SFI1: variants seen among roughly 807,000 people sequenced by gnomAD.
SFI1 encodes the protein SFI1 centrin binding protein.
SFI1 carries 195 observed loss-of-function variants against 207.5 expected under a neutral mutation model. That is an observed-to-expected ratio of 0.94 (90% CI 0.84 to 1.06). The LOEUF is 1.06. SFI1 is among the 50% of genes least tolerant of loss of function. The pLI is 0.00. For missense variants in SFI1, 1,634 were observed against 1,588.0 expected (o/e 1.03, Z -0.49); for synonymous variants, 630 against 598.9 (o/e 1.05, Z -0.76).
chr22:31,609,263 G>C (rs1328643410), intron 22 of SFI1, among the ~76,000 whole-genome samples: 1 of 152,090 alleles, frequency 6.6e-6, no homozygotes, highest in Non-Finnish European at 1.5e-5. Flanking sequence ...CTCCCAAAGT[G>C]CTGGGATTAC....
At chr22:31,519,958 G>A (rs2057014352) in intron 2 of SFI1, among the ~76,000 whole-genome samples, 1 of 151,148 alleles carries the variant, frequency 6.6e-6, no homozygotes, top group African/African-American at 2.4e-5. Flanking sequence ...GTAGAGATGG[G>A]GTTTCACCTG....
At chr22:31,539,366 C>CT (rs1569250500) in intron 4 of SFI1, among the ~76,000 whole-genome samples, 1 of 152,188 alleles carries the variant, frequency 6.6e-6, no homozygotes, top group Non-Finnish European at 1.5e-5. Flanking sequence ...TTACTGTGGT[C>CT]TATAAGACCA....
chr22:31,512,778 C>T (rs1195191272), intron 2 of SFI1, among the ~76,000 whole-genome samples: 2 of 151,908 alleles, frequency 1.3e-5, no homozygotes, highest in Non-Finnish European at 1.5e-5. Context: ...GCTCTGCCTC[C>T]CAGGTTCATG....
chr22:31,554,144 T>C (rs756493133), intron 6 of SFI1, among the ~76,000 whole-genome samples: 10 of 151,972 alleles, frequency 6.6e-5, no homozygotes, highest in Non-Finnish European at 1.2e-4. Context: ...AGCTGGATTA[T>C]ATTTTTTCAT....
chr22:31,617,307 A>G (rs1338611574), intron 31 of SFI1, among the ~76,000 whole-genome samples: 1 of 152,058 alleles, frequency 6.6e-6, no homozygotes, highest in Non-Finnish European at 1.5e-5. Flanking sequence ...CCAAGTCGTC[A>G]GACTCACCTG....
chr22:31,498,914 A>G (rs1011298161), intron 1 of SFI1, among the ~76,000 whole-genome samples: 11 of 144,366 alleles, frequency 7.6e-5, no homozygotes, highest in Non-Finnish European at 1.5e-4. Flanking sequence ...GCTGGAGTGC[A>G]TGGCACACTC....
At chr22:31,593,076 C>T (rs1485810190) in intron 15 of SFI1, among the ~76,000 whole-genome samples, 36 of 130,994 alleles carry the variant, frequency 2.7e-4, no homozygotes, top group Admixed American at 2.1e-3. Flanking sequence ...GCTGGCCGGG[C>T]GGGGGGGCTG....
intron 8 of SFI1, among the ~76,000 whole-genome samples, chr22:31,562,063 C>G (rs2061766036): frequency 1.3e-5 from 2 of 152,150 alleles, no homozygotes; most frequent in Non-Finnish European, 2.9e-5. Flanking sequence ...ACGTGCAGAT[C>G]ACATGCAAAT....
intron 2 of SFI1, among the ~76,000 whole-genome samples, chr22:31,524,822 T>C (rs1412714855): frequency 2.0e-5 from 3 of 151,752 alleles, no homozygotes; most frequent in African/African-American, 7.3e-5. Flanking sequence ...TTTTATGGAG[T>C]CTTACTCTGT....
At chr22:31,564,814 AT>A (rs776647555) in intron 8 of SFI1, among the ~76,000 whole-genome samples, 231 of 111,846 alleles carry the variant, frequency 2.1e-3, no homozygotes, top group South Asian at 4.7e-3. Context: ...CTGGCCCAGA[AT>A]TTTTTTTTTT....
chr22:31,591,065 CA>C (rs1403095377), intron 15 of SFI1, among the ~76,000 whole-genome samples: 1 of 151,492 alleles, frequency 6.6e-6, no homozygotes, highest in Non-Finnish European at 1.5e-5. Flanking sequence ...GGTCAGCAGA[CA>C]AACAAGTGAA....
At chr22:31,571,494 T>G (rs888752269) in intron 8 of SFI1, among the ~76,000 whole-genome samples, 3 of 151,616 alleles carry the variant, frequency 2.0e-5, no homozygotes, top group Non-Finnish European at 4.4e-5. Flanking sequence ...TTTTTTTTTT[T>G]GGTAGAGACA....
intron 7 of SFI1, among the ~76,000 whole-genome samples, chr22:31,560,349 GA>G (rs988470245): frequency 1.2e-4 from 18 of 150,020 alleles, no homozygotes; most frequent in African/African-American, 4.2e-4. Context: ...AAAGCCACTT[GA>G]TTGCAGATTA....
At chr22:31,617,108 G>C (rs776814548) in intron 31 of SFI1, 30 bp downstream of exon 31, 1 of 1,611,888 alleles carries the variant, frequency 6.2e-7, no homozygotes, top group Non-Finnish European at 8.5e-7. Context: ...CTGCAGCCCT[G>C]GCTACAGGAG....
At chr22:31,533,653 A>G (rs993476542) in intron 4 of SFI1, among the ~76,000 whole-genome samples, 12 of 151,960 alleles carry the variant, frequency 7.9e-5, no homozygotes, top group Non-Finnish European at 1.5e-4. Context: ...CCTTGTTTTC[A>G]GCTGTAGCCT....
intron 11 of SFI1, among the ~76,000 whole-genome samples, chr22:31,579,416 C>T (rs922644574): frequency 1.3e-5 from 2 of 151,140 alleles, no homozygotes; most frequent in Admixed American, 6.6e-5. Flanking sequence ...CCGGGGTTCA[C>T]GCCATTCTCC....
chr22:31,607,842 G>A, intron 21 of SFI1, 95 bp from the exon 22 acceptor site: 1 of 1,044,168 alleles, frequency 9.6e-7, no homozygotes, highest in Non-Finnish European at 1.4e-6. Flanking sequence ...CAACAGCTTG[G>A]CCTTGCCTCT....
At position 31,602,725 on chromosome 22, in the gene SFI1, A is replaced by G; in HGVS notation, c.1745A>G (p.His582Arg). The G allele has an allele frequency of 1.2e-6, 2 of 1,614,160 alleles. No homozygotes were observed. Among genetic ancestry groups the G allele is most frequent in the Non-Finnish European group, 1.7e-6 (2 of 1,180,026 alleles). Residue 582 changes from histidine to arginine, a missense_variant, in exon 17 of 33, where the codon CAC becomes CGC. Physicochemically the swap from His to Arg is conservative, Grantham distance 29. Coordinates refer to ENST00000400288, the MANE Select transcript of SFI1 (RefSeq NM_001007467.3). ...WQTVACAHHR[H>R]GRLKKAFCLW... Reference sequence around the variant, plus strand: ...ACAGTGGCCTGTGCCCACCACCGCCACGGGCGGCTCAAGAAAGCTTTCTGC... The same window carrying G: ...ACAGTGGCCTGTGCCCACCACCGCCGCGGGCGGCTCAAGAAAGCTTTCTGC...
Position 31,607,987 on chromosome 22 carries a change from G to A in SFI1, c.2208G>A (p.Gln736=), listed in dbSNP as rs751023917. The change falls in exon 22 of 33, where the codon CAG becomes CAA. Residue 736 remains glutamine, a synonymous_variant. Transcript: ENST00000400288. ...TGTCAGTGCAGATGTATTACCGACA[G>A]CAGGAGGACTGTGCCATCTGGGAGG... ...EAVSVQMYYR[Q]QEDCAIWEAQ... The A allele has an allele frequency of 1.3e-5, 21 of 1,613,996 alleles. No individual in the cohort carries two copies. Among genetic ancestry groups the A allele is most frequent in the Non-Finnish European group, 1.8e-5 (21 of 1,179,940 alleles).
Sources: allele counts gnomAD v4.1 joint callset (sites outside exome capture counted in the v4.1 genomes callset), GRCh38; gene constraint gnomAD v4.1.1; transcripts MANE v1.5; gene names NCBI Gene and HGNC (gene_info 2026-07-23, HGNC 2026-07-21).